GON4L: variants seen among roughly 807,000 people sequenced by gnomAD.
GON4L encodes gon-4 like, also known as GON-4-like protein.
In GON4L, 87 loss-of-function variants were observed where a neutral mutation model predicts 211.8. The observed-to-expected ratio is 0.41, with a 90% CI of 0.35 to 0.49. GON4L has a LOEUF of 0.49. Ranked by LOEUF, GON4L falls within the 20% of genes least tolerant of loss-of-function variation. GON4L has a pLI of 0.15. For synonymous variants in GON4L, 875 were observed against 962.6 expected, an observed-to-expected ratio of 0.91 and a Z score of 1.68; for missense variants, 2,155 against 2,659.5, an observed-to-expected ratio of 0.81 and a Z score of 4.17.
At chr1:155,814,695 G>A (rs529693191) in intron 8 of GON4L, among the ~76,000 whole-genome samples, 46 of 151,698 alleles carry the variant, frequency 3.0e-4, no homozygotes, top group African/African-American at 1.0e-3. Context: ...GCAGTGAGCC[G>A]AGATCACGCC....
At chr1:155,759,157 CAGTT>C (rs1661499042) in intron 24 of GON4L, among the ~76,000 whole-genome samples, 1 of 151,914 alleles carries the variant, frequency 6.6e-6, no homozygotes, top group Non-Finnish European at 1.5e-5. Context: ...CCACCACACC[CAGTT>C]AGTTAATTTT....
intron 12 of GON4L, among the ~76,000 whole-genome samples, chr1:155,788,181 CG>C (rs1665154845): frequency 6.6e-6 from 1 of 151,996 alleles, no homozygotes; most frequent in Admixed American, 6.6e-5. Flanking sequence ...TTAGTAGCGA[CG>C]GTGTTTCACC....
At chr1:155,793,086 T>C (rs1665760014) in intron 12 of GON4L, among the ~76,000 whole-genome samples, 2 of 152,116 alleles carry the variant, frequency 1.3e-5, no homozygotes, top group South Asian at 4.1e-4. Flanking sequence ...GACTCTTCCT[T>C]TGGTTTCTAC....
At chr1:155,758,203 C>T (rs1353716390) in intron 24 of GON4L, among the ~76,000 whole-genome samples, 169 bp from the exon 25 acceptor site, 1 of 151,396 alleles carries the variant, frequency 6.6e-6, no homozygotes, top group Non-Finnish European at 1.5e-5. Context: ...AACCTCCATC[C>T]ACCTTGGGCC....
rs769472249 is a variant in GON4L, at chr1:155,754,417, C to A, written c.5589G>T (p.Leu1863=). 1 of 1,613,416 alleles carries A rather than the reference C, an allele frequency of 6.2e-7. No homozygotes were observed. Among genetic ancestry groups the A allele is most frequent in the East Asian group, 2.2e-5 (1 of 44,858 alleles). ...SCHEGGPDSK[L]KKSKRRSCSH... is the part of the protein sequence containing the mutation. ...TACAGCTCCGCCTTTTGCTCTTCTTCAGCTTGGAATCTGGACCTCCTTCAT... is the reference window on the plus strand; with the variant it reads ...TACAGCTCCGCCTTTTGCTCTTCTTAAGCTTGGAATCTGGACCTCCTTCAT... Residue 1863 remains leucine, a synonymous_variant, in exon 28 of 32, where the codon CTG becomes CTT. Transcript: ENST00000368331.
At chr1:155,754,660 A>G (rs1422853445) in intron 27 of GON4L, among the ~76,000 whole-genome samples, 172 bp from the exon 28 acceptor site, 1 of 149,936 alleles carries the variant, frequency 6.7e-6, no homozygotes, top group East Asian at 2.0e-4. Flanking sequence ...CTCCTGAGTA[A>G]CTGGGATTAC....
In GON4L at chr1:155,855,462, T is replaced by C. The variant is rs533314430; in HGVS notation, c.-26-1656A>G. Among the ~76,000 whole-genome samples, 266 of 152,020 alleles carry C rather than the reference T, an allele frequency of 1.7e-3. 1 individual carries two copies. Among genetic ancestry groups the C allele is most frequent in the African/African-American group, 6.1e-3 (255 of 41,464 alleles). ...GCCTCGACCTCCTGGGCTCAAGCAA[T>C]GCTCCCACCTCAGCCTCCCAAGTCA... On this transcript the variant is annotated intron_variant, in intron 1 of 31. Transcript: ENST00000368331.
intron 11 of GON4L, among the ~76,000 whole-genome samples, chr1:155,800,666 A>G (rs147043546): frequency 1.3e-5 from 2 of 152,046 alleles, no homozygotes; most frequent in African/African-American, 4.8e-5. Flanking sequence ...AGCCTGGCCA[A>G]TATGGTGAAA....
intron 6 of GON4L, among the ~76,000 whole-genome samples, chr1:155,819,844 C>A (rs2102240209): frequency 6.6e-6 from 1 of 152,316 alleles, no homozygotes; most frequent in African/African-American, 2.4e-5. Flanking sequence ...TTTGCCAATG[C>A]ATATTCCAAG....
At chr1:155,842,981 C>G (rs1454838193) in intron 2 of GON4L, among the ~76,000 whole-genome samples, 1 of 152,186 alleles carries the variant, frequency 6.6e-6, no homozygotes, top group Non-Finnish European at 1.5e-5. Context: ...GTACACCTGT[C>G]CCGGATTAAA....
intron 11 of GON4L, among the ~76,000 whole-genome samples, chr1:155,799,985 G>A (rs1240273092): frequency 1.3e-5 from 2 of 152,212 alleles, no homozygotes; most frequent in East Asian, 1.9e-4. Context: ...CGGATCACCT[G>A]AGGTTGGAAG....
At chr1:155,778,692 C>G (rs1664085213) in intron 14 of GON4L, among the ~76,000 whole-genome samples, 1 of 152,312 alleles carries the variant, frequency 6.6e-6, no homozygotes, top group African/African-American at 2.4e-5. Context: ...GCAGTTTATC[C>G]TGATCCTCTC....
intron 2 of GON4L, among the ~76,000 whole-genome samples, chr1:155,835,568 C>A (rs183266818): frequency 6.6e-6 from 1 of 152,124 alleles, no homozygotes; most frequent in Admixed American, 6.5e-5. Flanking sequence ...TGTTGGCCAC[C>A]CCCTAGGTGC....
At chr1:155,762,069 T>C (rs1661863952) in intron 23 of GON4L, 121 bp downstream of exon 23, 1 of 718,948 alleles carries the variant, frequency 1.4e-6, no homozygotes, top group South Asian at 1.8e-5. Context: ...AAAGCCAAGA[T>C]AGAGGAATAT....
intron 2 of GON4L, among the ~76,000 whole-genome samples, chr1:155,842,090 G>A (rs1398164931): frequency 6.6e-6 from 1 of 151,970 alleles, no homozygotes; most frequent in Non-Finnish European, 1.5e-5. Flanking sequence ...GGTTGGACAA[G>A]CCTCACTATA....
chr1:155,801,097 A>G (rs979203274), intron 11 of GON4L, among the ~76,000 whole-genome samples: 1 of 142,798 alleles, frequency 7.0e-6, no homozygotes, highest in East Asian at 2.0e-4. Flanking sequence ...CTTCACAATA[A>G]ATCTTGCTGC....
At chr1:155,798,145 C>G (rs1666262762) in intron 11 of GON4L, among the ~76,000 whole-genome samples, 1 of 148,904 alleles carries the variant, frequency 6.7e-6, no homozygotes, top group African/African-American at 2.4e-5. Flanking sequence ...CTTATACAGA[C>G]ACACATTTAA....
intron 10 of GON4L, among the ~76,000 whole-genome samples, chr1:155,807,651 C>CCGAGAT (rs1667262576): frequency 7.8e-6 from 1 of 127,742 alleles, no homozygotes; most frequent in Non-Finnish European, 1.6e-5. Flanking sequence ...TTGCAGTGAG[C>CCGAGAT]CGAGATCGCA....
chr1:155,798,854 A>G (rs996277677), intron 11 of GON4L, among the ~76,000 whole-genome samples: 1 of 152,148 alleles, frequency 6.6e-6, no homozygotes, highest in African/African-American at 2.4e-5. Context: ...CACACCACAC[A>G]AATGGGTCAG....
Sources: allele counts gnomAD v4.1 joint callset (sites outside exome capture counted in the v4.1 genomes callset), GRCh38; gene constraint gnomAD v4.1.1; transcripts MANE v1.5; gene names NCBI Gene and HGNC (gene_info 2026-07-23, HGNC 2026-07-21).